BMPR2: variants seen among roughly 807,000 people sequenced by gnomAD.
BMPR2 encodes bone morphogenetic protein receptor type-2.
Under a neutral mutation model 100.8 loss-of-function variants are expected in BMPR2, and 29 were observed. That is an observed-to-expected ratio of 0.29 (90% CI 0.21 to 0.39). The LOEUF is 0.39. Among genes scored for constraint, BMPR2 ranks in the 10% least tolerant of loss-of-function variants. BMPR2 has a pLI of 1.00. For synonymous variants in BMPR2, 382 were observed against 442.3 expected, an observed-to-expected ratio of 0.86 and a Z score of 1.71; for missense variants, 1,011 against 1,274.5, an observed-to-expected ratio of 0.79 and a Z score of 3.15.
chr2:202,439,614 T>C (rs975846142), intron 1 of BMPR2, among the ~76,000 whole-genome samples: 1 of 150,122 alleles, frequency 6.7e-6, no homozygotes, highest in Non-Finnish European at 1.5e-5. Flanking sequence ...TTTCCCTGGC[T>C]AGGGGAATCT....
chr2:202,423,207 AAAT>A (rs1691305915), intron 1 of BMPR2, among the ~76,000 whole-genome samples: 1 of 152,138 alleles, frequency 6.6e-6, no homozygotes, highest in African/African-American at 2.4e-5. Context: ...AAATACTAAA[AAAT>A]AACATGGCTA....
intron 3 of BMPR2, among the ~76,000 whole-genome samples, chr2:202,500,835 A>G (rs898139060): frequency 1.3e-5 from 2 of 152,182 alleles, no homozygotes; most frequent in Non-Finnish European, 2.9e-5. Flanking sequence ...CTGGACCTCA[A>G]GGATGCCTTC....
intron 1 of BMPR2, among the ~76,000 whole-genome samples, chr2:202,417,038 G>T (rs375790166): frequency 1.3e-5 from 2 of 151,874 alleles, no homozygotes; most frequent in African/African-American, 4.8e-5. Flanking sequence ...GGATTTCACT[G>T]TGTTAGCCAG....
chr2:202,516,088 T>C (rs145117888), intron 5 of BMPR2, among the ~76,000 whole-genome samples: 194 of 152,222 alleles, frequency 1.3e-3, no homozygotes, highest in African/African-American at 4.5e-3. Context: ...AGAATTTAAG[T>C]TTCATTTGGT....
At chr2:202,404,867 C>T (rs1690856104) in intron 1 of BMPR2, among the ~76,000 whole-genome samples, 1 of 152,006 alleles carries the variant, frequency 6.6e-6, no homozygotes, top group Admixed American at 6.6e-5. Flanking sequence ...GGATCTTGCT[C>T]TGCCAGGCTG....
chr2:202,501,806 G>A (rs1041298147), intron 3 of BMPR2, among the ~76,000 whole-genome samples: 3 of 152,190 alleles, frequency 2.0e-5, no homozygotes, highest in Non-Finnish European at 4.4e-5. Context: ...CATATGCGTG[G>A]CCCTCAACCC....
At chr2:202,556,564 T>G (rs1056891476) in intron 12 of BMPR2, 33 bp downstream of exon 12, 7 of 1,602,922 alleles carry the variant, frequency 4.4e-6, no homozygotes, top group Non-Finnish European at 6.0e-6. Flanking sequence ...CTCTCCTGTG[T>G]GTCTTTTGGG....
At position 202,562,605 on chromosome 2, in the gene BMPR2, AGTG is replaced by A. The variant is rs1688693473; in HGVS notation, c.*2661_*2663del. The A allele has an allele frequency of 6.6e-6, 1 of 152,328 alleles. No individual in the cohort carries two copies. Among genetic ancestry groups the A allele is most frequent in the Non-Finnish European group, 1.5e-5 (1 of 68,012 alleles). 9.4% of individuals were successfully genotyped at this position (152,328 alleles called of 1,614,324 possible). A position where few individuals can be genotyped will look rare whatever the true frequency, so the allele number is the denominator to read the frequency against. ...TATCACAAAGTTTTATATGTAGAAA[AGTG>A]GGGTCCTTTTGAATAAAAGATCATT... On this transcript the variant is annotated 3_prime_UTR_variant, in exon 13 of 13. Transcript: ENST00000374580.
At chr2:202,392,631 G>A (rs1375885643) in intron 1 of BMPR2, among the ~76,000 whole-genome samples, 2 of 152,170 alleles carry the variant, frequency 1.3e-5, no homozygotes, top group East Asian at 1.9e-4. Flanking sequence ...TCATTGTAGA[G>A]CCTTACTTAT....
intron 7 of BMPR2, among the ~76,000 whole-genome samples, chr2:202,525,587 T>G (rs1687895733): frequency 1.3e-5 from 2 of 152,178 alleles, no homozygotes; most frequent in Admixed American, 1.3e-4. Context: ...TCTGTCTCCA[T>G]AAGTCCCACT....
At chr2:202,521,401 TA>T (rs1182244859) in intron 7 of BMPR2, among the ~76,000 whole-genome samples, 1 of 152,076 alleles carries the variant, frequency 6.6e-6, no homozygotes, top group African/African-American at 2.4e-5. Context: ...ACCCTGTCTC[TA>T]CAAAAAATAT....
rs187571208 is a variant in BMPR2, at chr2:202,439,006, G to A, written c.77-25803G>A. On this transcript the variant is annotated intron_variant, in intron 1 of 12. Transcript: ENST00000374580. ...CTTGTCAATTTCTACTCGAAAGGCAGCTGGTGTTTGAAAGAGATTGCATTG... is the reference window on the plus strand; with the variant it reads ...CTTGTCAATTTCTACTCGAAAGGCAACTGGTGTTTGAAAGAGATTGCATTG... Among the ~76,000 whole-genome samples, 78 of 150,740 alleles carry A rather than the reference G, an allele frequency of 5.2e-4. 7 individuals carry two copies. The highest frequency in any genetic ancestry group is 1.6e-3 in the African/African-American group (65 of 40,094).
chr2:202,485,698 G>A (rs1559052858), intron 3 of BMPR2, among the ~76,000 whole-genome samples: 1 of 151,152 alleles, frequency 6.6e-6, no homozygotes, highest in Non-Finnish European at 1.5e-5. Context: ...AGTTGCACAC[G>A]ACCATGCCTG....
intron 3 of BMPR2, among the ~76,000 whole-genome samples, chr2:202,491,575 C>G (rs773286402): frequency 6.6e-6 from 1 of 152,040 alleles, no homozygotes; most frequent in Non-Finnish European, 1.5e-5. Flanking sequence ...AGGCACCCAC[C>G]ACTACACCCA....
At chr2:202,428,852 C>T (rs1377588318) in intron 1 of BMPR2, among the ~76,000 whole-genome samples, 1 of 152,186 alleles carries the variant, frequency 6.6e-6, no homozygotes, top group Non-Finnish European at 1.5e-5. Context: ...ACAAATTCTC[C>T]ATCTTTCCAC....
intron 10 of BMPR2, among the ~76,000 whole-genome samples, chr2:202,546,903 GTGTTTTGTTTTGTTTTGTTTTGTTT>G (rs112692454): frequency 3.5e-5 from 5 of 141,850 alleles, no homozygotes; most frequent in Admixed American, 7.2e-5. Flanking sequence ...TGCCCAGCCG[GTGTTTTGTTTTGTTTTGTTTTGTTT>G]TGTTTTGTTT....
chr2:202,425,290 G>A lies in BMPR2; in HGVS notation c.77-39519G>A, dbSNP rs6752522. Among the ~76,000 whole-genome samples the A allele has an allele frequency of 2.0e-5, 3 of 152,212 alleles. No individual in the cohort carries two copies. The East Asian group carries it at 5.8e-4, about 29-fold the overall frequency. On this transcript the variant is annotated intron_variant, in intron 1 of 12. Coordinates refer to ENST00000374580, the MANE Select transcript of BMPR2 (RefSeq NM_001204.7). ...CCAGCCAGAATAGATTCAGTCTGCC[G>A]CTAGTGCTGCTGCATGGTTGGAGAG...
rs1364696509 is a variant in BMPR2, at chr2:202,555,702, A to C, written c.2037A>C (p.Glu679Asp). Residue 679 changes from glutamate (E) to aspartate (D), a missense_variant, in exon 12 of 13, where the codon GAA becomes GAC. Physicochemically the swap from Glu to Asp is conservative, Grantham distance 45 (BLOSUM62 2). This residue lies in a region of BMPR2 where 508 missense variants were observed against 552.0 expected (regional missense o/e 0.92). Transcript: ENST00000374580. ...AAGAAGTTGATAAGAACCTCAAGGA[A>C]AGCTCTGATGAGAATCTCATGGAGC... ...DPKEVDKNLKESSDENLMEHS... is the reference protein window; with the variant it reads ...DPKEVDKNLKDSSDENLMEHS... 4 of 1,614,018 alleles carry C rather than the reference A, an allele frequency of 2.5e-6. No individual in the cohort carries two copies. The highest frequency in any genetic ancestry group is 3.4e-6 in the Non-Finnish European group (4 of 1,180,032).
At chr2:202,465,004 A>G (rs1248126625) in intron 2 of BMPR2, 25 bp downstream of exon 2, 1 of 1,612,130 alleles carries the variant, frequency 6.2e-7, no homozygotes, top group African/African-American at 1.3e-5. Context: ...CCTTACCTGA[A>G]ATGACTGTGT....
Sources: gnomAD v4.1 joint callset for allele counts (sites outside exome capture counted in the v4.1 genomes callset) on GRCh38, gnomAD v4.1.1 for gene constraint, gnomAD v4.1.1 regional missense constraint, MANE v1.5 for transcripts, NCBI Gene and HGNC (gene_info 2026-07-23, HGNC 2026-07-21) for gene names.